The following ARAP2 variants were observed in gnomAD, a reference collection of about 807,000 sequenced individuals.
ARAP2 encodes the protein ArfGAP with RhoGAP domain, ankyrin repeat and PH domain 2, also known as arf-GAP with Rho-GAP domain, ANK repeat and PH domain-containing protein 2.
In ARAP2, 148 loss-of-function variants were observed where a neutral mutation model predicts 194.5. That is an observed-to-expected ratio of 0.76 (90% confidence interval 0.67 to 0.87). ARAP2 has a LOEUF of 0.87. Ranked by LOEUF, ARAP2 falls within the 40% of genes least tolerant of loss-of-function variation. The pLI, the probability that ARAP2 is intolerant of heterozygous loss-of-function variation, is 0.00. For synonymous variants in ARAP2, 695 were observed against 683.5 expected, an observed-to-expected ratio of 1.02 and a Z score of -0.26; for missense variants, 2,128 against 1,989.7, an observed-to-expected ratio of 1.07 and a Z score of -1.32.
chr4:36,007,725 A>G (rs1713590777), intron 9 of ARAP2, among the ~76,000 whole-genome samples: 1 of 152,196 alleles, frequency 6.6e-6, no homozygotes, highest in African/African-American at 2.4e-5. Flanking sequence ...TTGAATCTCA[A>G]TGATATTAAA....
At chr4:36,086,999 C>T (rs1056600266) in intron 28 of ARAP2, among the ~76,000 whole-genome samples, 5 of 152,018 alleles carry the variant, frequency 3.3e-5, no homozygotes, top group African/African-American at 7.2e-5. Flanking sequence ...AACACAAAGT[C>T]GCTTTAAATA....
At chr4:36,061,670 G>T (rs560396166), downstream of ARAP2, among the ~76,000 whole-genome samples, 5 of 152,194 alleles carry the variant, frequency 3.3e-5, no homozygotes, top group Non-Finnish European at 7.4e-5. Flanking sequence ...TTTCTTTGGG[G>T]TATATATACA....
At chr4:36,148,304 A>T in intron 17 of ARAP2, 101 bp downstream of exon 17, 1 of 799,634 alleles carries the variant, frequency 1.3e-6, no homozygotes, top group Non-Finnish European at 1.9e-6. Context: ...CTTTATTCCT[A>T]CAATCTTATA....
At chr4:36,130,790 T>C (rs61798154) in intron 20 of ARAP2, among the ~76,000 whole-genome samples, 50,207 of 151,790 alleles carry the variant, frequency 0.33, 9,803 homozygotes, top group East Asian at 0.48. Context: ...ACGTATTCAA[T>C]AAATGACTGC....
chr4:36,044,892 G>C (rs1721545860), intron 5 of ARAP2, among the ~76,000 whole-genome samples: 1 of 151,644 alleles, frequency 6.6e-6, no homozygotes. Context: ...CAAAGAACCT[G>C]AATAGACATT....
Position 36,225,464 on chromosome 4 carries a change from A to G in ARAP2, c.905+3118T>C, listed in dbSNP as rs114867591. ...TCTGCTTGGAGGGCTCCCAGGGACT[A>G]GCAAGGCCTCCAAGTGAAGGTGATA... On this transcript the variant is annotated intron_variant, in intron 2 of 32. Coordinates refer to ENST00000303965, the MANE Select transcript of ARAP2 (RefSeq NM_015230.4). Among the ~76,000 whole-genome samples the G allele has an allele frequency of 2.3e-3, 355 of 152,168 alleles. 3 individuals carry two copies. The highest frequency in any genetic ancestry group is 8.0e-3 in the African/African-American group (331 of 41,512).
At chr4:36,188,628 G>A (rs1464228942) in intron 7 of ARAP2, among the ~76,000 whole-genome samples, 1 of 152,130 alleles carries the variant, frequency 6.6e-6, no homozygotes, top group Non-Finnish European at 1.5e-5. Context: ...GCATACCAAG[G>A]ACACATTATA....
downstream of ARAP2, among the ~76,000 whole-genome samples, chr4:36,064,087 A>T (rs2109283895): frequency 6.6e-6 from 1 of 152,294 alleles, no homozygotes. Context: ...TCAGGTAATG[A>T]TTTCTTTAGA....
chr4:36,109,490 G>A (rs1486269393), intron 26 of ARAP2, among the ~76,000 whole-genome samples: 1 of 151,774 alleles, frequency 6.6e-6, no homozygotes, highest in Non-Finnish European at 1.5e-5. Flanking sequence ...CAGACAAAAT[G>A]AGTCATCATA....
At chr4:36,153,988 C>T (rs76854314) in intron 15 of ARAP2, among the ~76,000 whole-genome samples, 315 of 152,224 alleles carry the variant, frequency 2.1e-3, no homozygotes, top group African/African-American at 7.0e-3. Flanking sequence ...AGCATCAGAG[C>T]TGGGGAAGGA....
At chr4:36,218,813 G>A (rs1405634848) in intron 2 of ARAP2, among the ~76,000 whole-genome samples, 1 of 151,928 alleles carries the variant, frequency 6.6e-6, no homozygotes, top group Non-Finnish European at 1.5e-5. Flanking sequence ...ATTGTACAAG[G>A]GGTTTATACC....
At chr4:36,096,212 A>G (rs1354283196) in intron 27 of ARAP2, among the ~76,000 whole-genome samples, 1 of 151,830 alleles carries the variant, frequency 6.6e-6, no homozygotes, top group Non-Finnish European at 1.5e-5. Flanking sequence ...AAAAATACAA[A>G]AAATTAGCCA....
rs1426285088 is a variant in ARAP2, at chr4:36,066,418, C to G, written c.*1489G>C. The G allele has an allele frequency of 1.3e-5, 2 of 151,820 alleles. No individual in the cohort carries two copies. Among genetic ancestry groups the G allele is most frequent in the African/African-American group, 4.8e-5 (2 of 41,328 alleles). 9.4% of individuals were successfully genotyped at this position (151,820 alleles called of 1,614,324 possible). On this transcript the variant is annotated 3_prime_UTR_variant, in exon 33 of 33. Coordinates refer to ENST00000303965, the MANE Select transcript of ARAP2 (RefSeq NM_015230.4). ...GATTTAAAGAATAAATATCTCATACCCATGGTGAACTATTTTATCACCCCA... is the reference window on the plus strand; with the variant it reads ...GATTTAAAGAATAAATATCTCATACGCATGGTGAACTATTTTATCACCCCA...
intron 9 of ARAP2, among the ~76,000 whole-genome samples, chr4:36,169,716 T>G (rs758922134): frequency 2.0e-5 from 3 of 152,098 alleles, no homozygotes; most frequent in African/African-American, 7.2e-5. Context: ...TGTATTTTAG[T>G]AGAGACGGGG....
downstream of ARAP2, chr4:36,065,736 G>C (rs970820457): frequency 2.6e-5 from 4 of 156,420 alleles, no homozygotes; most frequent in Admixed American, 1.9e-4. Flanking sequence ...TATAAACCAG[G>C]GGTGGTACTA....
Position 36,119,704 on chromosome 4 carries a change from T to C in ARAP2, c.3909A>G (p.Gln1303=). 6.2e-7 allele frequency: 1 copy of C among 1,602,068 alleles called. No individual in the cohort carries two copies. The highest frequency in any genetic ancestry group is 8.5e-7 in the Non-Finnish European group (1 of 1,170,820). ...YVEIFEVKED[Q]VKQMDIENSF... is the part of the protein sequence containing the mutation. Reference sequence around the variant, plus strand: ...TATTTTCTATGTCCATTTGTTTGACTTGATCTTCTTTAACCTGTTTAAAAT... The same window carrying C: ...TATTTTCTATGTCCATTTGTTTGACCTGATCTTCTTTAACCTGTTTAAAAT... Residue 1303 remains glutamine, a synonymous_variant, in exon 24 of 33, where the codon CAA becomes CAG. Coordinates refer to ENST00000303965, the MANE Select transcript of ARAP2 (RefSeq NM_015230.4).
intron 1 of ARAP2, among the ~76,000 whole-genome samples, chr4:36,241,241 CCTA>C (rs1271317678): frequency 1.3e-5 from 2 of 152,134 alleles, no homozygotes; most frequent in Middle Eastern, 3.2e-3. Flanking sequence ...TTCAGAATAG[CCTA>C]CTGTGTTTCC....
rs904051349 is a variant in ARAP2 at position 36,107,620 on chromosome 4, A to G, written c.4230T>C (p.Ser1410=). The change falls in exon 27 of 33, where the codon TCT becomes TCC. Residue 1410 remains serine (S), a synonymous_variant. Coordinates refer to ENST00000303965, the MANE Select transcript of ARAP2 (RefSeq NM_015230.4). ...LRWSSLAEPG[S]AYLVVKRFLT... is the part of the protein sequence containing the mutation. ...AGAATCTCTTCACCACCAGGTAAGC[A>G]GAGCCAGGTTCAGCTAATGAACTCC... The G allele has an allele frequency of 1.2e-6, 2 of 1,611,166 alleles. No homozygotes were observed.
rs562026280 is a variant in ARAP2 at position 36,035,055 on chromosome 4, T to G, written n.607+10924A>C. 5.9e-5 allele frequency among the ~76,000 whole-genome samples: 9 copies of G among 152,206 alleles called. No homozygotes were observed. The East Asian group carries it at 7.7e-4, about 13-fold the overall frequency. ...ATTGGCCTGAAGGTTTTTGGTGGTG[T>G]TGTGTCTCTGCCAGGTTTTGGTATC... On this transcript the variant is annotated intron_variant and non_coding_transcript_variant, in intron 5 of 12. Coordinates refer to the ARAP2 transcript ENST00000503225.
Sources: allele counts gnomAD v4.1 joint callset (sites outside exome capture counted in the v4.1 genomes callset), GRCh38; gene constraint gnomAD v4.1.1; transcripts MANE v1.5; gene names NCBI Gene and HGNC (gene_info 2026-07-23, HGNC 2026-07-21).